The following LAMC3 variants were observed in gnomAD, a reference collection of about 807,000 sequenced individuals.
The protein encoded by LAMC3 is laminin subunit gamma 3, also known as laminin subunit gamma-3.
A neutral mutation model predicts 173.8 loss-of-function variants in LAMC3; 128 were observed. That is an observed-to-expected ratio of 0.74 (90% CI 0.64 to 0.85). The LOEUF is 0.85. Ranked by LOEUF, LAMC3 falls within the 40% of genes least tolerant of loss-of-function variation. The pLI is 0.00. For missense variants in LAMC3, 2,022 were observed against 2,156.0 expected, an observed-to-expected ratio of 0.94 and a Z score of 1.23; for synonymous variants, 897 against 909.1, an observed-to-expected ratio of 0.99 and a Z score of 0.24.
chr9:131,079,197 G>A lies in LAMC3; in HGVS notation c.3826G>A (p.Glu1276Lys). The change falls in exon 23 of 28, where the codon GAG becomes AAG. Residue 1276 changes from glutamate to lysine, a missense_variant. Transcript: ENST00000361069. ...CCTGGGCCTGAAGGCGAAGGCCCTGGAGAAGACAGTTGCATCATGGCAGCA... is the reference window on the plus strand; with the variant it reads ...CCTGGGCCTGAAGGCGAAGGCCCTGAAGAAGACAGTTGCATCATGGCAGCA... ...EDLGLKAKAL[E>K]KTVASWQHMA... 1 of 1,614,090 alleles carries A rather than the reference G, an allele frequency of 6.2e-7. No individual in the cohort carries two copies. The highest frequency in any genetic ancestry group is 8.5e-7 in the Non-Finnish European group (1 of 1,179,996).
Position 131,082,180 on chromosome 9 carries a change from C to A in LAMC3, c.4030+19C>A. The A allele has an allele frequency of 6.3e-7, 1 of 1,576,542 alleles. No homozygotes were observed. Among genetic ancestry groups the A allele is most frequent in the South Asian group, 1.1e-5 (1 of 89,564 alleles). On this transcript the variant is annotated intron_variant, in intron 24 of 27. Coordinates refer to ENST00000361069, the MANE Select transcript of LAMC3 (RefSeq NM_006059.4). ...CTGGAAGGTACGTGAGTCCAGCTGA[C>A]CACTAGGCTGTGTAATGACGAACGC... is the stretch of plus-strand genomic sequence containing the variant.
Position 131,051,863 on chromosome 9 carries a change from C to T in LAMC3, c.1631-628C>T, listed in dbSNP as rs117949251. On this transcript the variant is annotated intron_variant, in intron 9 of 27. Coordinates refer to ENST00000361069, the MANE Select transcript of LAMC3 (RefSeq NM_006059.4). ...GGAGGGTGGCCTGTGTCCTTTCCTCCTGGGTCACGAACTTCTGAAGAAATG... is the reference window on the plus strand; with the variant it reads ...GGAGGGTGGCCTGTGTCCTTTCCTCTTGGGTCACGAACTTCTGAAGAAATG... 3.6e-4 allele frequency among the ~76,000 whole-genome samples: 55 copies of T among 152,072 alleles called. 2 individuals are homozygous for T. In the East Asian group the frequency reaches 8.7e-3, roughly 24 times the overall value.
At chr9:131,057,296 C>T in intron 12 of LAMC3, 149 bp downstream of exon 12, 1 of 720,642 alleles carries the variant, frequency 1.4e-6, no homozygotes, top group Admixed American at 2.0e-5. Flanking sequence ...TCCCGTGCTG[C>T]TCAGTGCCTG....
intron 8 of LAMC3, among the ~76,000 whole-genome samples, chr9:131,047,165 C>CTTTT (rs398012456): frequency 0.28 from 28,633 of 101,900 alleles, 6,005 homozygotes; most frequent in African/African-American, 0.32. Context: ...CTGAATTCCT[C>CTTTT]TTTTTTTTTT....
At chr9:131,027,001 T>G (rs1288968287) in intron 2 of LAMC3, among the ~76,000 whole-genome samples, 1 of 152,232 alleles carries the variant, frequency 6.6e-6, no homozygotes, top group African/African-American at 2.4e-5. Flanking sequence ...CATGAGCCAC[T>G]GCCCTTGGCC....
At chr9:131,053,608 G>A (rs1179723782) in intron 11 of LAMC3, among the ~76,000 whole-genome samples, 2 of 152,326 alleles carry the variant, frequency 1.3e-5, no homozygotes, top group South Asian at 4.1e-4. Flanking sequence ...GCCAAGGCGA[G>A]TGGATCATGA....
intron 13 of LAMC3, among the ~76,000 whole-genome samples, chr9:131,065,473 G>T (rs953704874): frequency 6.6e-6 from 1 of 152,176 alleles, no homozygotes; most frequent in Non-Finnish European, 1.5e-5. Flanking sequence ...CAGCTAAGAG[G>T]GGGATGAGGA....
intron 1 of LAMC3, among the ~76,000 whole-genome samples, chr9:131,024,205 G>A (rs1422495382): frequency 1.4e-5 from 2 of 147,026 alleles, no homozygotes; most frequent in African/African-American, 5.2e-5. Context: ...GAGTGCAATG[G>A]CACCATCTCA....
Position 131,009,440 on chromosome 9 carries a change from C to T in LAMC3, c.226C>T (p.Arg76Cys). 1 of 1,545,242 alleles carries T rather than the reference C, an allele frequency of 6.5e-7. No homozygotes were observed. ...GAAGAGAHCQ[R>C]CDAADPQRHH... ...CGCGGGCGCGGGGGCTCATTGCCAGCGCTGCGACGCCGCCGACCCCCAGCG... is the reference window on the plus strand; with the variant it reads ...CGCGGGCGCGGGGGCTCATTGCCAGTGCTGCGACGCCGCCGACCCCCAGCG... Residue 76 changes from arginine to cysteine, a missense_variant, in exon 1 of 28, where the codon CGC (arginine) becomes TGC (cysteine). By Grantham distance (180) the Arg-to-Cys change is radical. Coordinates refer to ENST00000361069, the MANE Select transcript of LAMC3 (RefSeq NM_006059.4). The surrounding 1 kb of genome is among the most constrained non-coding windows in gnomAD (Gnocchi z 4.3).
At chr9:131,032,658 C>T (rs1298389784) in intron 3 of LAMC3, among the ~76,000 whole-genome samples, 1 of 137,312 alleles carries the variant, frequency 7.3e-6, no homozygotes, top group Non-Finnish European at 1.6e-5. Context: ...CACTCACTCT[C>T]TCTCACTCTC....
Position 131,079,310 on chromosome 9 carries a change from T to A in LAMC3, c.3927+12T>A. 6.2e-7 allele frequency: 1 copy of A among 1,613,970 alleles called. No homozygotes were observed. The highest frequency in any genetic ancestry group is 1.3e-5 in the African/African-American group (1 of 75,052). Reference sequence around the variant, plus strand: ...AACCCCTCACAAAGGTCAGCTCTTGTGCTTTGAAGCAGGGGACCTGGGAGA... The same window carrying A: ...AACCCCTCACAAAGGTCAGCTCTTGAGCTTTGAAGCAGGGGACCTGGGAGA... On this transcript the variant is annotated intron_variant, in intron 23 of 27. Transcript: ENST00000361069.
In LAMC3 at chr9:131,067,273, G is replaced by A. The variant is rs3765568; in HGVS notation, c.2593+68G>A. 1,301,236 of 1,599,982 alleles carry A rather than the reference G, an allele frequency of 0.81. 533,642 individuals are homozygous for A. The highest frequency in any genetic ancestry group is 0.84 in the Middle Eastern group (4,265 of 5,074). On this transcript the variant is annotated intron_variant, in intron 14 of 27. Coordinates refer to ENST00000361069, the MANE Select transcript of LAMC3 (RefSeq NM_006059.4). ...CCCTTCTCTTCTGCCCTGGCTCAGGGCCCAGAAGGGGTGGCTGAGGAACCC... is the reference window on the plus strand; with the variant it reads ...CCCTTCTCTTCTGCCCTGGCTCAGGACCCAGAAGGGGTGGCTGAGGAACCC...
chr9:131,063,991 T>TCCA (rs940262515), intron 13 of LAMC3, among the ~76,000 whole-genome samples: 85 of 152,088 alleles, frequency 5.6e-4, no homozygotes, highest in African/African-American at 1.5e-3. Context: ...CACTGCAACC[T>TCCA]CCACCTCCCA....
At chr9:131,019,893 G>A (rs1833597426) in intron 1 of LAMC3, among the ~76,000 whole-genome samples, 1 of 151,690 alleles carries the variant, frequency 6.6e-6, no homozygotes, top group Non-Finnish European at 1.5e-5. Context: ...CCCCGGCCGG[G>A]CCCCGCACCG....
chr9:131,041,640 C>G lies in LAMC3; in HGVS notation c.1287C>G (p.Pro429=). ...FHSLSEGGCR[P]CTCNPAGSLD... is the part of the protein sequence containing the mutation. ...TCTTGTCCTGTCTCATTGGCAGACC[C>G]TGCACTTGCAATCCCGCTGGCAGCC... is the stretch of plus-strand genomic sequence containing the variant. Residue 429 remains proline, a synonymous_variant, in exon 7 of 28, where the codon CCC becomes CCG. Transcript: ENST00000361069. 6.2e-7 allele frequency: 1 copy of G among 1,613,996 alleles called. No homozygotes were observed. The highest frequency in any genetic ancestry group is 8.5e-7 in the Non-Finnish European group (1 of 1,179,972).
In LAMC3 at chr9:131,017,287, C is replaced by T. The variant is rs143492588; in HGVS notation, c.373+7700C>T. Among the ~76,000 whole-genome samples the T allele has an allele frequency of 2.1e-3, 325 of 152,194 alleles. 1 individual carries two copies. The highest frequency in any genetic ancestry group is 7.5e-3 in the African/African-American group (313 of 41,528). On this transcript the variant is annotated intron_variant, in intron 1 of 27. Coordinates refer to ENST00000361069, the MANE Select transcript of LAMC3 (RefSeq NM_006059.4). ...GGTAGCTGGCAGCTAGAAGCGTGAT[C>T]GGAAAAAGGCAGTCACTGGGAGTTC...
At chr9:131,090,333 ACACGCC>A (rs1830403048) in intron 27 of LAMC3, among the ~76,000 whole-genome samples, 1 of 152,206 alleles carries the variant, frequency 6.6e-6, no homozygotes, top group Non-Finnish European at 1.5e-5. Flanking sequence ...AATGAAGAGC[ACACGCC>A]TGGCCCCTTC....
rs547733888 is a variant in LAMC3, at chr9:131,079,502, G to A, written c.3927+204G>A. ...GAGGTCAGGAGATTGAGACCATCCT[G>A]GCTAACATGGTGAAACCCCATCTCT... On this transcript the variant is annotated intron_variant, in intron 23 of 27. Coordinates refer to ENST00000361069, the MANE Select transcript of LAMC3 (RefSeq NM_006059.4). Among the ~76,000 whole-genome samples, 12 of 152,254 alleles carry A rather than the reference G, an allele frequency of 7.9e-5. No individual in the cohort carries two copies. The East Asian group carries it at 2.3e-3, about 29-fold the overall frequency.
intron 7 of LAMC3, among the ~76,000 whole-genome samples, chr9:131,043,121 G>A (rs555079648): frequency 6.6e-6 from 1 of 152,310 alleles, no homozygotes; most frequent in South Asian, 2.1e-4. Flanking sequence ...TACCCACTGA[G>A]CTGGATTTTG....
Sources: allele counts gnomAD v4.1 joint callset (sites outside exome capture counted in the v4.1 genomes callset), GRCh38; gene constraint gnomAD v4.1.1; non-coding constraint Gnocchi (gnomAD v3.1); transcripts MANE v1.5; gene names NCBI Gene and HGNC (gene_info 2026-07-23, HGNC 2026-07-21).